The following PCDH11X variants were observed in gnomAD, a reference collection of about 807,000 sequenced individuals.
PCDH11X encodes the protein protocadherin-11 X-linked.
In PCDH11X, 18 loss-of-function variants were observed where a neutral mutation model predicts 53.3. That is an observed-to-expected ratio of 0.34 (90% CI 0.23 to 0.50). The LOEUF is 0.50. Among genes scored for constraint, PCDH11X ranks in the 20% least tolerant of loss-of-function variants. The pLI is 0.98. For synonymous variants in PCDH11X, 279 were observed against 393.3 expected (o/e 0.71, Z 3.44); for missense variants, 570 against 1,032.4 (o/e 0.55, Z 6.14).
intron 9 of PCDH11X, among the ~76,000 whole-genome samples, chrX:92,413,627 G>T (rs1453450152): frequency 1.9e-5 from 2 of 106,946 alleles, no homozygotes; most frequent in African/African-American, 7.1e-5. Flanking sequence ...CATTTGGAAA[G>T]AAAATCTTTA....
intron 6 of PCDH11X, among the ~76,000 whole-genome samples, chrX:91,950,601 T>TAAATGTG (rs1172826693): frequency 0.019 from 1,955 of 101,928 alleles, 35 homozygotes; most frequent in Middle Eastern, 0.035. Flanking sequence ...TATATATATA[T>TAAATGTG]ATATATACAC....
chrX:92,015,588 A>T (rs1278682578), intron 6 of PCDH11X, among the ~76,000 whole-genome samples: 1 of 112,114 alleles, frequency 8.9e-6, no homozygotes, highest in Non-Finnish European at 1.9e-5. Context: ...ATCTCAAGAA[A>T]CCACTTTTTT....
At chrX:92,606,974 G>C (rs1926894789) in intron 10 of PCDH11X, among the ~76,000 whole-genome samples, 1 of 110,329 alleles carries the variant, frequency 9.1e-6, no homozygotes, top group Non-Finnish European at 1.9e-5. Context: ...CAATGAGATA[G>C]CACTTCTTAC....
At chrX:92,137,533 G>A (rs1267541339) in intron 6 of PCDH11X, among the ~76,000 whole-genome samples, 1 of 111,167 alleles carries the variant, frequency 9.0e-6, no homozygotes, top group Admixed American at 9.7e-5. Context: ...AGAGTCATTG[G>A]GATATAAATC....
intron 6 of PCDH11X, among the ~76,000 whole-genome samples, chrX:92,067,767 T>A (rs771880714): frequency 9.0e-6 from 1 of 111,617 alleles, no homozygotes; most frequent in South Asian, 3.8e-4. Context: ...TCTGGTAGAA[T>A]TCAGCAGTGA....
chrX:91,981,778 GT>G (rs1457537748), intron 6 of PCDH11X, among the ~76,000 whole-genome samples: 2 of 106,571 alleles, frequency 1.9e-5, no homozygotes, highest in African/African-American at 3.4e-5. Flanking sequence ...GGTAACTCCT[GT>G]TGTTGTTGTT....
chrX:92,359,692 C>T (rs770183541), intron 8 of PCDH11X, among the ~76,000 whole-genome samples: 34 of 110,810 alleles, frequency 3.1e-4, no homozygotes, highest in Non-Finnish European at 5.9e-4. Flanking sequence ...ACTATCTCTT[C>T]ATCATTGCAT....
rs559887093 is a variant in PCDH11X at position 92,563,222 on chromosome X, G to C, written c.3368-55042G>C. ...AGAAAACTTACAATCATGGTCAAAGGCAATGGGGGAGCAATTATGTCACAT... is the reference window on the plus strand; with the variant it reads ...AGAAAACTTACAATCATGGTCAAAGCCAATGGGGGAGCAATTATGTCACAT... On this transcript the variant is annotated intron_variant, in intron 10 of 10. Coordinates refer to ENST00000682573, the MANE Select transcript of PCDH11X (RefSeq NM_032968.5). Among the ~76,000 whole-genome samples, 34 of 106,661 alleles carry C rather than the reference G, an allele frequency of 3.2e-4. No individual in the cohort carries two copies. In the South Asian group the frequency reaches 5.6e-3, roughly 18 times the overall value. 92.6% of individuals were successfully genotyped at this position (106,661 alleles called of 115,157 possible).
At chrX:92,335,811 C>T (rs1400086953) in intron 8 of PCDH11X, among the ~76,000 whole-genome samples, 2 of 111,565 alleles carry the variant, frequency 1.8e-5, no homozygotes, top group African/African-American at 3.3e-5. Context: ...AATACATGTA[C>T]GTGTGTAGAT....
chrX:92,114,933 G>T lies in PCDH11X; in HGVS notation c.3034-86442G>T, dbSNP rs189009635. Among the ~76,000 whole-genome samples the T allele has an allele frequency of 5.1e-3, 561 of 110,802 alleles. 1 individual carries two copies. The highest frequency in any genetic ancestry group is 0.018 in the African/African-American group (544 of 30,473). On this transcript the variant is annotated intron_variant, in intron 6 of 10. Coordinates refer to ENST00000682573, the MANE Select transcript of PCDH11X (RefSeq NM_032968.5). ...TGCAACCTCTGCCTCCTGGGTTCAA[G>T]CGATTCTCCTGTCTCAGCCTCCCCG...
At chrX:92,578,611 T>C (rs922673339) in intron 10 of PCDH11X, among the ~76,000 whole-genome samples, 10 of 110,633 alleles carry the variant, frequency 9.0e-5, no homozygotes, top group African/African-American at 3.3e-4. Flanking sequence ...TAATTTTTTC[T>C]CTATCCCTTT....
At chrX:92,256,580 T>C (rs776981192) in intron 7 of PCDH11X, among the ~76,000 whole-genome samples, 5 of 111,625 alleles carry the variant, frequency 4.5e-5, no homozygotes, top group African/African-American at 1.3e-4. Context: ...AGCTCAAGGG[T>C]GCATGTCCAG....
chrX:91,785,258 C>T (rs2524806), intron 1 of PCDH11X, among the ~76,000 whole-genome samples: 29,060 of 97,850 alleles, frequency 0.3, 4,495 homozygotes, highest in African/African-American at 0.48. Context: ...ATTGGTATAG[C>T]GGCTCAAGTT....
rs774771664 is a variant in PCDH11X, at chrX:92,343,174, T to C, written c.3145-44561T>C. 2.7e-3 allele frequency among the ~76,000 whole-genome samples: 307 copies of C among 112,264 alleles called. 6 individuals carry two copies. The East Asian group carries it at 0.052, about 19-fold the overall frequency. ...AGGCAAAGTCCATTTTCAAAATGGG[T>C]TTGCACCAAAGCTGTTTGGAAGGCC... is the stretch of plus-strand genomic sequence containing the variant. On this transcript the variant is annotated intron_variant, in intron 8 of 10. Coordinates refer to ENST00000682573, the MANE Select transcript of PCDH11X (RefSeq NM_032968.5).
chrX:91,915,571 A>G (rs1941527143), intron 6 of PCDH11X, among the ~76,000 whole-genome samples: 1 of 111,521 alleles, frequency 9.0e-6, no homozygotes, highest in African/African-American at 3.3e-5. Flanking sequence ...AATTTAAAGC[A>G]ACAACATGAA....
chrX:92,103,274 T>C (rs556209450), intron 6 of PCDH11X, among the ~76,000 whole-genome samples: 1 of 110,769 alleles, frequency 9.0e-6, no homozygotes, highest in East Asian at 2.9e-4. Context: ...AAGCGTGTTG[T>C]CTAAGTTGGC....
chrX:92,335,176 G>A, intron 8 of PCDH11X, among the ~76,000 whole-genome samples: 1 of 99,490 alleles, frequency 1.0e-5, no homozygotes, highest in Non-Finnish European at 2.0e-5. Flanking sequence ...TTGGATGCAT[G>A]GAACCACCTT....
chrX:91,970,085 G>C (rs1427195748), intron 6 of PCDH11X, among the ~76,000 whole-genome samples: 2 of 111,327 alleles, frequency 1.8e-5, no homozygotes, highest in Non-Finnish European at 3.8e-5. Context: ...CGTATCCAGA[G>C]TTGTTCGTTC....
At chrX:92,423,796 C>T (rs1719812117) in intron 9 of PCDH11X, among the ~76,000 whole-genome samples, 2 of 97,143 alleles carry the variant, frequency 2.1e-5, no homozygotes, top group Non-Finnish European at 4.5e-5. Flanking sequence ...GATCAGTTGG[C>T]TGTAAGTATT....
Sources: allele counts gnomAD v4.1 joint callset (sites outside exome capture counted in the v4.1 genomes callset), GRCh38; gene constraint gnomAD v4.1.1; transcripts MANE v1.5; gene names NCBI Gene and HGNC (gene_info 2026-07-23, HGNC 2026-07-21).